The following APBA2 variants were observed in gnomAD, a reference collection of about 807,000 sequenced individuals.
APBA2 encodes the protein amyloid beta precursor protein binding family A member 2.
Under a neutral mutation model 75.0 loss-of-function variants are expected in APBA2, and 30 were observed. The ratio of observed to expected loss-of-function variants is 0.40; its 90% CI spans 0.30 to 0.54. The LOEUF is 0.54. Ranked by LOEUF, APBA2 falls within the 20% of genes least tolerant of loss-of-function variation. The probability of loss-of-function intolerance (pLI) is 0.49; values close to 1 mark genes in which losing one functional copy is unlikely to be tolerated. For synonymous variants in APBA2, 444 were observed against 409.6 expected (o/e 1.08, Z -1.01); for missense variants, 801 against 1,016.1 (o/e 0.79, Z 2.88).
chr15:28,988,749 G>A (rs577058223), intron 2 of APBA2, among the ~76,000 whole-genome samples: 2 of 152,206 alleles, frequency 1.3e-5, no homozygotes, highest in Non-Finnish European at 2.9e-5. Context: ...AGGTTGTCTT[G>A]AGTACTCAGG....
At chr15:28,922,491 C>T (rs2034023517) in intron 2 of APBA2, among the ~76,000 whole-genome samples, 1 of 152,194 alleles carries the variant, frequency 6.6e-6, no homozygotes, top group African/African-American at 2.4e-5. Flanking sequence ...GCATCTTCTA[C>T]AGCCAGCCAT....
At chr15:29,101,887 A>G (rs2044147079) in intron 10 of APBA2, 103 bp downstream of exon 10, 1 of 1,163,726 alleles carries the variant, frequency 8.6e-7, no homozygotes, top group South Asian at 1.3e-5. Context: ...GAAAGCCTCC[A>G]TGCTGTTACT....
chr15:28,962,417 A>G (rs1425267402), intron 2 of APBA2, among the ~76,000 whole-genome samples: 2 of 151,912 alleles, frequency 1.3e-5, no homozygotes, highest in East Asian at 1.9e-4. Flanking sequence ...TAAAAATACA[A>G]AATTAACTGG....
chr15:28,924,888 G>C (rs559078800), intron 2 of APBA2, among the ~76,000 whole-genome samples: 179 of 152,230 alleles, frequency 1.2e-3, no homozygotes, highest in Non-Finnish European at 1.2e-3. Flanking sequence ...ACTGAATGAG[G>C]ATTCTCATTT....
At chr15:29,035,200 C>T (rs1176506237) in intron 3 of APBA2, among the ~76,000 whole-genome samples, 1 of 152,234 alleles carries the variant, frequency 6.6e-6, no homozygotes, top group East Asian at 1.9e-4. Context: ...CCTGGGGCCA[C>T]TGCCCTTCCT....
intron 4 of APBA2, among the ~76,000 whole-genome samples, chr15:29,056,455 C>T (rs1054000535): frequency 6.6e-6 from 1 of 152,134 alleles, no homozygotes; most frequent in Non-Finnish European, 1.5e-5. Flanking sequence ...AGGACATGCT[C>T]TTGTCTGAGA....
chr15:29,066,193 G>T (rs1257565427), intron 4 of APBA2, among the ~76,000 whole-genome samples: 4 of 152,088 alleles, frequency 2.6e-5, no homozygotes, highest in Admixed American at 6.6e-5. Context: ...AGATATACTT[G>T]TGTTCATCTT....
At chr15:28,964,777 C>G (rs1179928806) in intron 2 of APBA2, among the ~76,000 whole-genome samples, 2 of 152,094 alleles carry the variant, frequency 1.3e-5, no homozygotes, top group Admixed American at 1.3e-4. Flanking sequence ...CATGAGCCAC[C>G]GCACCTGGCC....
At chr15:28,905,865 A>G (rs1042478449) in intron 1 of APBA2, among the ~76,000 whole-genome samples, 1 of 152,222 alleles carries the variant, frequency 6.6e-6, no homozygotes, top group African/African-American at 2.4e-5. Context: ...TTTTCTGATT[A>G]TGAAATTAAA....
At chr15:28,971,161 G>C (rs2037047642) in intron 2 of APBA2, among the ~76,000 whole-genome samples, 1 of 152,058 alleles carries the variant, frequency 6.6e-6, no homozygotes, top group African/African-American at 2.4e-5. Flanking sequence ...TGCTTTCTTA[G>C]TCTATTTATA....
rs368206195 is a variant in APBA2, at chr15:29,108,401, C to T, written c.2037+12C>T. On this transcript the variant is annotated intron_variant, in intron 13 of 14. Transcript: ENST00000683413. ...TGCAGAATGGAATTGTGAGTTCCCC[C>T]TCCTGCTCTGGGCCACCACCACCAC... 6.2e-7 allele frequency: 1 copy of T among 1,613,958 alleles called. No individual in the cohort carries two copies. Among genetic ancestry groups the T allele is most frequent in the Non-Finnish European group, 8.5e-7 (1 of 1,180,030 alleles).
At chr15:28,890,050 G>A (rs909362837) in intron 1 of APBA2, among the ~76,000 whole-genome samples, 5 of 148,174 alleles carry the variant, frequency 3.4e-5, no homozygotes, top group Admixed American at 2.7e-4. Context: ...AACGAAACAC[G>A]GGAGCAGTAG....
chr15:29,003,692 C>T (rs1010717448), intron 3 of APBA2, among the ~76,000 whole-genome samples: 6 of 152,338 alleles, frequency 3.9e-5, no homozygotes, highest in African/African-American at 1.4e-4. Flanking sequence ...GCCAGGCAAG[C>T]CTGAAGCCCG....
intron 2 of APBA2, among the ~76,000 whole-genome samples, chr15:28,985,762 C>T (rs1303988182): frequency 6.6e-6 from 1 of 152,098 alleles, no homozygotes; most frequent in African/African-American, 2.4e-5. Context: ...ATCCGGTTGA[C>T]TCTGTCTGAC....
rs752066320 is a variant in APBA2, at chr15:28,962,942, C to T, written c.-94-32811C>T. On this transcript the variant is annotated intron_variant, in intron 2 of 14. Transcript: ENST00000683413. Reference sequence around the variant, plus strand: ...GTATGGTGTGGAAGACAGCTACACTCACCATTATACCACCTGCACAGATAT... The same window carrying T: ...GTATGGTGTGGAAGACAGCTACACTTACCATTATACCACCTGCACAGATAT... Among the ~76,000 whole-genome samples the T allele has an allele frequency of 2.0e-5, 3 of 152,142 alleles. 1 individual carries two copies. Among genetic ancestry groups the T allele is most frequent in the East Asian group, 1.9e-4 (1 of 5,196 alleles).
At chr15:28,914,249 G>T (rs1457446810) in intron 1 of APBA2, among the ~76,000 whole-genome samples, 2 of 152,208 alleles carry the variant, frequency 1.3e-5, no homozygotes, top group Non-Finnish European at 2.9e-5. Flanking sequence ...GGGCTGCTTT[G>T]CGGTGTAGAC....
At chr15:29,033,880 G>A (rs992633937) in intron 3 of APBA2, among the ~76,000 whole-genome samples, 2 of 150,238 alleles carry the variant, frequency 1.3e-5, no homozygotes, top group Non-Finnish European at 2.9e-5. Context: ...CAGGAGAATG[G>A]CGTTAACCCA....
rs575439200 is a variant in APBA2 at position 28,993,447 on chromosome 15, A to G, written c.-94-2306A>G. Among the ~76,000 whole-genome samples, 4 of 152,344 alleles carry G rather than the reference A, an allele frequency of 2.6e-5. No individual in the cohort carries two copies. The South Asian group carries it at 8.3e-4, about 32-fold the overall frequency. On this transcript the variant is annotated intron_variant, in intron 2 of 14. Transcript: ENST00000683413. ...TTTTGAGCGAAAATGCTGCTGGGAA[A>G]TGAGAGAAAAGAAACATGAAAAGAA...
At chr15:29,047,696 C>T (rs758970467) in intron 3 of APBA2, among the ~76,000 whole-genome samples, 4 of 152,114 alleles carry the variant, frequency 2.6e-5, no homozygotes, top group Non-Finnish European at 4.4e-5. Flanking sequence ...GGTAGTTAGA[C>T]AAGATGACCA....
Sources: allele counts gnomAD v4.1 joint callset (sites outside exome capture counted in the v4.1 genomes callset), GRCh38; gene constraint gnomAD v4.1.1; transcripts MANE v1.5; gene names NCBI Gene and HGNC (gene_info 2026-07-23, HGNC 2026-07-21).